Variants in TENM2 observed in about 807,000 individuals in gnomAD.
TENM2 encodes teneurin-2.
A neutral mutation model predicts 245.2 loss-of-function variants in TENM2; 52 were observed. The ratio of observed to expected loss-of-function variants is 0.21; its 90% confidence interval spans 0.17 to 0.27. The LOEUF (loss-of-function observed/expected upper bound fraction) is 0.27. Among genes scored for constraint, TENM2 ranks in the 10% least tolerant of loss-of-function variants. TENM2 has a pLI of 1.00. For synonymous variants in TENM2, 1,363 were observed against 1,438.9 expected, an observed-to-expected ratio of 0.95 and a Z score of 1.19; for missense variants, 3,046 against 3,666.8, an observed-to-expected ratio of 0.83 and a Z score of 4.37.
At chr5:167,664,517 TCGTC>T (rs895928311) in intron 2 of TENM2, among the ~76,000 whole-genome samples, 4 of 152,174 alleles carry the variant, frequency 2.6e-5, no homozygotes, top group Non-Finnish European at 5.9e-5. Context: ...GATCTTCTCA[TCGTC>T]CAGTTGTTTT....
intron 2 of TENM2, among the ~76,000 whole-genome samples, chr5:167,672,032 A>G (rs925001798): frequency 6.6e-6 from 1 of 152,022 alleles, no homozygotes; most frequent in Non-Finnish European, 1.5e-5. Flanking sequence ...TTTCTGCTCT[A>G]ATGTAATATA....
chr5:166,993,984 CT>C, the TENM2 span, among the ~76,000 whole-genome samples: 4 of 152,104 alleles, frequency 2.6e-5, no homozygotes, highest in East Asian at 1.9e-4. Flanking sequence ...GAAAGATGAT[CT>C]TTTTTTCACT....
intron 2 of TENM2, among the ~76,000 whole-genome samples, chr5:167,383,645 T>G (rs2127343301): frequency 6.6e-6 from 1 of 151,422 alleles, no homozygotes; most frequent in African/African-American, 2.4e-5. Context: ...ATTTTTTTAT[T>G]ATTACATTCT....
intron 2 of TENM2, among the ~76,000 whole-genome samples, chr5:167,815,392 C>A (rs2151011612): frequency 6.6e-6 from 1 of 152,274 alleles, no homozygotes; most frequent in African/African-American, 2.4e-5. Context: ...CATATTAAAT[C>A]TAACCCCCAG....
the TENM2 span, among the ~76,000 whole-genome samples, chr5:167,139,866 G>A: frequency 2.0e-5 from 3 of 152,158 alleles, no homozygotes; most frequent in Non-Finnish European, 4.4e-5. Context: ...CAGATGTGCC[G>A]TACATGCTTC....
At chr5:168,192,870 T>A (rs931339618) in intron 14 of TENM2, among the ~76,000 whole-genome samples, 2 of 152,224 alleles carry the variant, frequency 1.3e-5, no homozygotes, top group African/African-American at 4.8e-5. Flanking sequence ...CCTGTTTCAA[T>A]CTGCTTCCTC....
At chr5:167,383,804 G>A (rs1289548106) in intron 2 of TENM2, among the ~76,000 whole-genome samples, 1 of 147,508 alleles carries the variant, frequency 6.8e-6, no homozygotes, top group African/African-American at 2.5e-5. Context: ...TTTAACTTTT[G>A]AATATGTTTT....
At chr5:167,245,308 A>C in the TENM2 span, among the ~76,000 whole-genome samples, 1 of 152,274 alleles carries the variant, frequency 6.6e-6, no homozygotes, top group Non-Finnish European at 1.5e-5. Context: ...CCACTAGCTA[A>C]AGTGTATAAA....
intron 1 of TENM2, among the ~76,000 whole-genome samples, chr5:167,348,639 C>G (rs918812053): frequency 6.6e-6 from 1 of 152,146 alleles, no homozygotes; most frequent in Non-Finnish European, 1.5e-5. Flanking sequence ...GAGATTTATT[C>G]TTAGAAAGGC....
At chr5:167,416,409 T>A (rs995324908) in intron 2 of TENM2, among the ~76,000 whole-genome samples, 3 of 152,194 alleles carry the variant, frequency 2.0e-5, no homozygotes, top group African/African-American at 7.2e-5. Context: ...TTGCTGGGGT[T>A]GTTTTGATTT....
chr5:168,234,454 C>T (rs1269132416), intron 25 of TENM2, among the ~76,000 whole-genome samples: 1 of 151,670 alleles, frequency 6.6e-6, no homozygotes, highest in Non-Finnish European at 1.5e-5. Flanking sequence ...AAAGAGGTGC[C>T]GTACCCAAAA....
chr5:168,038,617 A>G (rs1468962468), intron 5 of TENM2, among the ~76,000 whole-genome samples: 5 of 152,256 alleles, frequency 3.3e-5, no homozygotes, highest in Non-Finnish European at 7.3e-5. Context: ...AGTTGTTATC[A>G]TAGCTAAGGA....
At chr5:167,264,080 G>A in the TENM2 span, among the ~76,000 whole-genome samples, 31 of 150,254 alleles carry the variant, frequency 2.1e-4, no homozygotes, top group African/African-American at 7.4e-4. Context: ...ACTCTAGCCT[G>A]GGCAATAATA....
intron 1 of TENM2, among the ~76,000 whole-genome samples, chr5:167,329,050 ATGT>A (rs1339098315): frequency 6.6e-6 from 1 of 152,170 alleles, no homozygotes; most frequent in African/African-American, 2.4e-5. Context: ...TCCAGAATAA[ATGT>A]TGTTATAATA....
intron 5 of TENM2, among the ~76,000 whole-genome samples, chr5:168,035,313 A>C (rs1787562478): frequency 6.6e-6 from 1 of 152,126 alleles, no homozygotes; most frequent in Non-Finnish European, 1.5e-5. Flanking sequence ...CCTGGCCAAC[A>C]TGGCGAAACC....
intron 1 of TENM2, among the ~76,000 whole-genome samples, chr5:167,286,035 CTACTTTTTAT>C (rs1266388055): frequency 6.6e-6 from 1 of 152,148 alleles, no homozygotes; most frequent in African/African-American, 2.4e-5. Flanking sequence ...CTACTTTTTA[CTACTTTTTAT>C]TACAAAATGT....
the TENM2 span, among the ~76,000 whole-genome samples, chr5:167,040,048 A>T: frequency 2.0e-5 from 3 of 152,146 alleles, no homozygotes; most frequent in South Asian, 4.1e-4. Context: ...CAGAAATAGG[A>T]TTTGTAAGGT....
At chr5:167,594,989 G>C (rs549256184) in intron 2 of TENM2, among the ~76,000 whole-genome samples, 3 of 152,230 alleles carry the variant, frequency 2.0e-5, no homozygotes, top group African/African-American at 7.2e-5. Context: ...TCTTCTAATG[G>C]TCCTGCAACT....
At chr5:167,459,606 G>C (rs1018030397) in intron 2 of TENM2, among the ~76,000 whole-genome samples, 23 of 152,070 alleles carry the variant, frequency 1.5e-4, no homozygotes, top group Non-Finnish European at 3.4e-4. Flanking sequence ...TTTCCATACT[G>C]ATCATACCAT....
Sources: gnomAD v4.1 joint callset for allele counts (sites outside exome capture counted in the v4.1 genomes callset) on GRCh38, gnomAD v4.1.1 for gene constraint, MANE v1.5 for transcripts, NCBI Gene and HGNC (gene_info 2026-07-23, HGNC 2026-07-21) for gene names.